Variants in ANXA4 observed in about 807,000 individuals in gnomAD.
The protein encoded by ANXA4 is annexin A4.
ANXA4 carries 39 observed loss-of-function variants against 49.8 expected under a neutral mutation model. The observed-to-expected ratio is 0.78, with a 90% confidence interval of 0.61 to 1.02. The LOEUF (loss-of-function observed/expected upper bound fraction) is 1.02. Ranked by LOEUF, ANXA4 falls within the 50% of genes least tolerant of loss-of-function variation. The pLI is 0.00. For synonymous variants in ANXA4, 134 were observed against 152.5 expected (o/e 0.88, Z 0.89); for missense variants, 360 against 410.1 (o/e 0.88, Z 1.05).
intron 2 of ANXA4, among the ~76,000 whole-genome samples, chr2:69,672,924 G>A (rs565062543): frequency 8.6e-5 from 13 of 151,762 alleles, no homozygotes; most frequent in South Asian, 8.3e-4. Flanking sequence ...AAAGCTCATC[G>A]TCACTGGTAT....
At chr2:69,690,316 G>A (rs1262715862) in intron 2 of ANXA4, among the ~76,000 whole-genome samples, 4 of 152,110 alleles carry the variant, frequency 2.6e-5, no homozygotes, top group Non-Finnish European at 4.4e-5. Context: ...TCGACTCACT[G>A]CAGCCTCCAC....
At chr2:69,768,594 A>G (rs188920422) in intron 1 of ANXA4, among the ~76,000 whole-genome samples, 1 of 152,338 alleles carries the variant, frequency 6.6e-6, no homozygotes, top group African/African-American at 2.4e-5. Flanking sequence ...AGTAAATCAA[A>G]TGGTACCTGA....
At chr2:69,798,498 G>A (rs1218138340) in intron 3 of ANXA4, among the ~76,000 whole-genome samples, 3 of 152,326 alleles carry the variant, frequency 2.0e-5, no homozygotes, top group Non-Finnish European at 2.9e-5. Context: ...TAACACCAGG[G>A]TGTGGCCCTG....
At chr2:69,674,933 G>A (rs554670943) in intron 2 of ANXA4, among the ~76,000 whole-genome samples, 2,649 of 72,916 alleles carry the variant, frequency 0.036, 46 homozygotes, top group Non-Finnish European at 0.043. Context: ...TTTTTTTTTC[G>A]TTTTTTTGAG....
At position 69,718,291 on chromosome 2, in the gene ANXA4, G is replaced by T. The variant is rs1180818740; in HGVS notation, n.767-2483G>T. 2.6e-5 allele frequency among the ~76,000 whole-genome samples: 4 copies of T among 152,280 alleles called. No individual in the cohort carries two copies. The East Asian group carries it at 7.7e-4, about 29-fold the overall frequency. ...CCAGCTGGTCAGAATTCCCAAAGAA[G>T]GCTACCACTGGGAGATGGATTGCAA... On this transcript the variant is annotated intron_variant and non_coding_transcript_variant, in intron 2 of 3. Transcript: ENST00000418066.
At chr2:69,810,749 C>A in intron 7 of ANXA4, 76 bp downstream of exon 7, 2 of 1,162,354 alleles carry the variant, frequency 1.7e-6, no homozygotes, top group Non-Finnish European at 2.6e-6. Flanking sequence ...CTTTCTCATC[C>A]TTTCAGCCCC....
At chr2:69,771,623 A>G (rs1291157144) in intron 1 of ANXA4, among the ~76,000 whole-genome samples, 1 of 152,240 alleles carries the variant, frequency 6.6e-6, no homozygotes, top group African/African-American at 2.4e-5. Flanking sequence ...ACTTGAAATC[A>G]GAAGTTCTTG....
chr2:69,793,041 C>G (rs140493646), intron 3 of ANXA4, among the ~76,000 whole-genome samples: 4,621 of 151,428 alleles, frequency 0.031, 118 homozygotes, highest in South Asian at 0.052. Context: ...ATCACGAGGT[C>G]AGGAGATCGA....
intron 3 of ANXA4, among the ~76,000 whole-genome samples, chr2:69,722,300 C>T (rs374987128): frequency 3.3e-5 from 5 of 152,286 alleles, no homozygotes; most frequent in African/African-American, 1.2e-4. Context: ...AACAGAGACT[C>T]AAACTCACGC....
chr2:69,744,146 A>G (rs752193791), intron 1 of ANXA4, among the ~76,000 whole-genome samples: 4 of 152,182 alleles, frequency 2.6e-5, no homozygotes, highest in Non-Finnish European at 5.9e-5. Context: ...CGTCTCTACA[A>G]AAATTTTAAA....
chr2:69,704,078 A>G (rs1189984778), intron 2 of ANXA4, among the ~76,000 whole-genome samples: 3 of 152,182 alleles, frequency 2.0e-5, no homozygotes, highest in Non-Finnish European at 4.4e-5. Flanking sequence ...CCCCAATATT[A>G]TCTTGTAAAA....
chr2:69,702,776 C>T (rs1009657257), intron 2 of ANXA4, among the ~76,000 whole-genome samples: 6 of 152,032 alleles, frequency 3.9e-5, no homozygotes, highest in Non-Finnish European at 5.9e-5. Flanking sequence ...GTGTTTTCAA[C>T]GTGTATCTCT....
intron 1 of ANXA4, among the ~76,000 whole-genome samples, chr2:69,767,760 G>A (rs1671552043): frequency 6.6e-6 from 1 of 152,142 alleles, no homozygotes; most frequent in Admixed American, 6.5e-5. Flanking sequence ...TTTTGTTGTT[G>A]TTTTGTTTTT....
chr2:69,698,194 G>A (rs1678218566), intron 2 of ANXA4, among the ~76,000 whole-genome samples: 2 of 152,134 alleles, frequency 1.3e-5, no homozygotes, highest in Non-Finnish European at 2.9e-5. Context: ...TCTCTCATAC[G>A]AGCACTAATC....
At chr2:69,793,780 A>G (rs1446969604) in intron 3 of ANXA4, among the ~76,000 whole-genome samples, 3 of 152,012 alleles carry the variant, frequency 2.0e-5, no homozygotes, top group Non-Finnish European at 4.4e-5. Context: ...TTCCCCAAGG[A>G]GTCCCAGGCC....
chr2:69,825,066 CA>C (rs10565929), intron 12 of ANXA4, among the ~76,000 whole-genome samples: 795 of 52,904 alleles, frequency 0.015, 14 homozygotes, highest in African/African-American at 0.045. Flanking sequence ...GACTCTGTCT[CA>C]AAAAAAAAAA....
chr2:69,789,538 C>T (rs955448031), intron 3 of ANXA4, among the ~76,000 whole-genome samples: 4 of 152,148 alleles, frequency 2.6e-5, no homozygotes, highest in Non-Finnish European at 5.9e-5. Flanking sequence ...GACAGACACA[C>T]ACACAGTGAG....
intron 2 of ANXA4, among the ~76,000 whole-genome samples, chr2:69,720,530 G>C (rs533472383): frequency 1.6e-4 from 25 of 152,278 alleles, no homozygotes; most frequent in Middle Eastern, 3.4e-3. Context: ...CCTTCCAAGA[G>C]TGCAAAGTTA....
At chr2:69,805,615 A>G (rs1433432322) in intron 4 of ANXA4, among the ~76,000 whole-genome samples, 1 of 152,042 alleles carries the variant, frequency 6.6e-6, no homozygotes, top group Non-Finnish European at 1.5e-5. Flanking sequence ...AAAAAAAAAA[A>G]AAAAAGAAAT....
Sources: allele counts gnomAD v4.1 joint callset (sites outside exome capture counted in the v4.1 genomes callset), GRCh38; gene constraint gnomAD v4.1.1; transcripts MANE v1.5; gene names NCBI Gene and HGNC (gene_info 2026-07-23, HGNC 2026-07-21).